The following COL24A1 variants were observed in gnomAD, a reference collection of about 807,000 sequenced individuals.
The protein encoded by COL24A1 is collagen type XXIV alpha 1 chain, also known as collagen alpha-1(XXIV) chain.
In COL24A1, 224 loss-of-function variants were observed where a neutral mutation model predicts 253.9. The observed-to-expected ratio is 0.88, with a 90% CI of 0.79 to 0.99. The LOEUF (loss-of-function observed/expected upper bound fraction) is 0.99, where lower values mean the gene tolerates loss of function less well. COL24A1 is among the 50% of genes least tolerant of loss of function. The probability of loss-of-function intolerance (pLI) is 0.00; values close to 1 mark genes in which losing one functional copy is unlikely to be tolerated. For synonymous variants in COL24A1, 685 were observed against 673.7 expected (o/e 1.02, Z -0.26); for missense variants, 2,131 against 2,068.5 (o/e 1.03, Z -0.59).
intron 37 of COL24A1, among the ~76,000 whole-genome samples, chr1:85,850,002 T>G (rs1041008048): frequency 2.6e-4 from 40 of 152,286 alleles, no homozygotes; most frequent in African/African-American, 7.9e-4. Context: ...TAAAGAGATA[T>G]TCGTTGATCT....
At chr1:85,991,772 A>T (rs775688820) in intron 19 of COL24A1, among the ~76,000 whole-genome samples, 12 of 152,178 alleles carry the variant, frequency 7.9e-5, no homozygotes, top group Non-Finnish European at 1.5e-4. Context: ...ATGTCAACAC[A>T]GCTGATCTCA....
Position 85,889,541 on chromosome 1 carries a change from A to C in COL24A1, c.2976+19T>G. The stretch of plus-strand genomic sequence containing the variant: ...TTTATGAGAAAGACACAATTAGAAA[A>C]GTATAAAGATAAACTTACTGGCTCT... On this transcript the variant is annotated intron_variant, in intron 32 of 59. Coordinates refer to ENST00000370571, the MANE Select transcript of COL24A1 (RefSeq NM_152890.7). 1.2e-6 allele frequency: 2 copies of C among 1,600,890 alleles called. No individual in the cohort carries two copies. The highest frequency in any genetic ancestry group is 1.7e-6 in the Non-Finnish European group (2 of 1,168,594).
intron 37 of COL24A1, among the ~76,000 whole-genome samples, chr1:85,851,417 C>G (rs1169296388): frequency 6.6e-6 from 1 of 152,104 alleles, no homozygotes; most frequent in Non-Finnish European, 1.5e-5. Context: ...ACACTCTGTA[C>G]TTGTCTCTAT....
chr1:85,992,736 T>G (rs1694408079), intron 19 of COL24A1, among the ~76,000 whole-genome samples: 2 of 152,294 alleles, frequency 1.3e-5, no homozygotes, highest in South Asian at 4.1e-4. Flanking sequence ...TTAAAATAAT[T>G]TAGAAAACAT....
At chr1:86,150,200 C>A (rs1040018051) in intron 1 of COL24A1, among the ~76,000 whole-genome samples, 3 of 152,144 alleles carry the variant, frequency 2.0e-5, no homozygotes, top group African/African-American at 7.2e-5. Context: ...AGTTTCCCAT[C>A]ATCTCTAAAG....
intron 32 of COL24A1, among the ~76,000 whole-genome samples, chr1:85,887,739 T>C (rs758526724): frequency 7.2e-5 from 11 of 152,170 alleles, no homozygotes; most frequent in Admixed American, 1.3e-4. Context: ...GTTATGTTTA[T>C]GGCTGAAACT....
chr1:85,831,539 C>T (rs1286244266), intron 43 of COL24A1, among the ~76,000 whole-genome samples: 1 of 151,900 alleles, frequency 6.6e-6, no homozygotes, highest in Non-Finnish European at 1.5e-5. Flanking sequence ...GACCATTTTT[C>T]TGTATTGGTA....
intron 45 of COL24A1, among the ~76,000 whole-genome samples, chr1:85,821,506 T>G (rs948792346): frequency 4.3e-4 from 66 of 152,100 alleles, no homozygotes; most frequent in Admixed American, 4.2e-3. Flanking sequence ...AAAAATAAAT[T>G]TAAAGCTTTG....
intron 28 of COL24A1, among the ~76,000 whole-genome samples, 191 bp from the exon 29 acceptor site, chr1:85,896,600 T>C (rs904745325): frequency 1.3e-5 from 2 of 152,096 alleles, no homozygotes; most frequent in Non-Finnish European, 2.9e-5. Context: ...GTTCACGCCA[T>C]TCTCCTGCCT....
At chr1:86,148,898 A>G (rs1274305045) in intron 1 of COL24A1, among the ~76,000 whole-genome samples, 4 of 152,004 alleles carry the variant, frequency 2.6e-5, no homozygotes, top group Admixed American at 2.6e-4. Context: ...TGGTATTTCT[A>G]GTTCTAGATC....
intron 45 of COL24A1, among the ~76,000 whole-genome samples, chr1:85,819,705 T>A (rs571601201): frequency 5.1e-4 from 78 of 152,184 alleles, no homozygotes; most frequent in Admixed American, 2.0e-3. Context: ...ACAAAGAGTT[T>A]TTCCCATGAA....
chr1:85,912,295 T>A (rs1685448374), intron 24 of COL24A1, among the ~76,000 whole-genome samples: 2 of 152,188 alleles, frequency 1.3e-5, no homozygotes, highest in African/African-American at 4.8e-5. Flanking sequence ...TTTTTCCATC[T>A]TTGTCTTTAC....
chr1:86,073,227 A>C (rs1226351854), intron 7 of COL24A1, among the ~76,000 whole-genome samples: 2 of 152,340 alleles, frequency 1.3e-5, no homozygotes, highest in East Asian at 3.9e-4. Context: ...AAGAACCTTG[A>C]AAAAAGGTTA....
chr1:86,031,830 G>T, intron 14 of COL24A1, 48 bp downstream of exon 14: 1 of 1,475,032 alleles, frequency 6.8e-7, no homozygotes, highest in Non-Finnish European at 9.3e-7. Context: ...CATATAAATT[G>T]CACAATAAAA....
intron 24 of COL24A1, among the ~76,000 whole-genome samples, chr1:85,923,942 AAG>A (rs1268608805): frequency 2.0e-5 from 3 of 152,186 alleles, no homozygotes; most frequent in Admixed American, 6.5e-5. Context: ...TAAAGAAGAA[AAG>A]AGAGAAGAAT....
At position 85,901,505 on chromosome 1, in the gene COL24A1, T is replaced by C. The variant is rs368175715; in HGVS notation, c.2779-5096A>G. On this transcript the variant is annotated intron_variant, in intron 28 of 59. Coordinates refer to ENST00000370571, the MANE Select transcript of COL24A1 (RefSeq NM_152890.7). ...GCCACTATGGAAAAGAGTATGGAGA[T>C]TTCTCATAAAACTAAAAATGGAGCC... Among the ~76,000 whole-genome samples, 6 of 151,966 alleles carry C rather than the reference T, an allele frequency of 3.9e-5. No individual in the cohort carries two copies. The East Asian group carries it at 7.7e-4, about 20-fold the overall frequency.
At chr1:85,830,644 G>T (rs1448992553) in intron 43 of COL24A1, among the ~76,000 whole-genome samples, 1 of 152,124 alleles carries the variant, frequency 6.6e-6, no homozygotes, top group Non-Finnish European at 1.5e-5. Context: ...TTTAAAGCCC[G>T]TCGGAAAAGC....
intron 26 of COL24A1, 60 bp downstream of exon 26, chr1:85,909,890 G>A (rs1333126867): frequency 7.2e-7 from 1 of 1,381,856 alleles, no homozygotes; most frequent in Non-Finnish European, 1.0e-6. Flanking sequence ...TCCATCTCTG[G>A]AACGACTTGC....
intron 12 of COL24A1, among the ~76,000 whole-genome samples, chr1:86,044,852 G>A (rs1045676264): frequency 6.6e-6 from 1 of 152,136 alleles, no homozygotes; most frequent in African/African-American, 2.4e-5. Flanking sequence ...ATTATCAAAT[G>A]AAATAATTGG....
Sources: allele counts gnomAD v4.1 joint callset (sites outside exome capture counted in the v4.1 genomes callset), GRCh38; gene constraint gnomAD v4.1.1; transcripts MANE v1.5; gene names NCBI Gene and HGNC (gene_info 2026-07-23, HGNC 2026-07-21).